The following ATG9B variants were observed in gnomAD, a reference collection of about 807,000 sequenced individuals.
ATG9B encodes autophagy-related protein 9B.
ATG9B carries 92 observed loss-of-function variants against 92.9 expected under a neutral mutation model. The observed-to-expected ratio is 0.99, with a 90% CI of 0.84 to 1.18. ATG9B has a LOEUF of 1.18. Among genes scored for constraint, ATG9B ranks in the 50% most tolerant of loss-of-function variants. The pLI is 0.00. For synonymous variants in ATG9B, 599 were observed against 551.4 expected, an observed-to-expected ratio of 1.09 and a Z score of -1.21; for missense variants, 1,344 against 1,235.0, an observed-to-expected ratio of 1.09 and a Z score of -1.32.
chr7:151,016,102 T>C lies in ATG9B; in HGVS notation c.2647+7A>G. On this transcript the variant is annotated splice_region_variant and intron_variant, in intron 12 of 13. Transcript: ENST00000639579. ...GCTCTGTCCCCTGCAGGCCCCACCCTCCTCACCGTCACTTGACCAGGATGG... is the reference window on the plus strand; with the variant it reads ...GCTCTGTCCCCTGCAGGCCCCACCCCCCTCACCGTCACTTGACCAGGATGG... 6.5e-7 allele frequency: 1 copy of C among 1,536,384 alleles called. No individual in the cohort carries two copies. Among genetic ancestry groups the C allele is most frequent in the Non-Finnish European group, 8.8e-7 (1 of 1,138,434 alleles).
At chr7:151,021,004 T>C (rs1795724128) in intron 5 of ATG9B, 184 bp downstream of exon 5, 2 of 664,454 alleles carry the variant, frequency 3.0e-6, no homozygotes, top group South Asian at 1.8e-5. Context: ...GTAAGGGCCA[T>C]GCTCTCTAGG....
In ATG9B at chr7:151,017,980, C is replaced by T; in HGVS notation, c.1943G>A (p.Arg648His). ...PLFLLFWFRP[R>H]ALEIIDFFHH... ...AAAAAAGTCGATAATCTCCAGGGCA[C>T]GAGGGCGGAACCAGAAAAGCAGAAA... Residue 648 changes from arginine to histidine, a missense_variant, in exon 8 of 14, where the codon CGT becomes CAT. Transcript: ENST00000639579. 1 of 1,606,060 alleles carries T rather than the reference C, an allele frequency of 6.2e-7. No homozygotes were observed. Among genetic ancestry groups the T allele is most frequent in the Non-Finnish European group, 8.5e-7 (1 of 1,176,020 alleles).
Position 151,023,211 on chromosome 7 carries a change from C to T in ATG9B, c.660-5G>A, listed in dbSNP as rs765550385. 5.6e-6 allele frequency: 9 copies of T among 1,613,928 alleles called. No homozygotes were observed. In the African/African-American group the frequency reaches 6.7e-5, roughly 12 times the overall value. ...GTGACAATGAAAATAAATTGTCTGC[C>T]GGGAGGAAGGGGGGGTGCCGGGATG... On this transcript the variant is annotated splice_polypyrimidine_tract_variant and splice_region_variant and intron_variant, in intron 3 of 13. Transcript: ENST00000639579.
At position 151,023,984 on chromosome 7, in the gene ATG9B, G is replaced by A. The variant is rs77596203; in HGVS notation, c.440C>T (p.Pro147Leu). ...CTCCAGCCGCTCATAATCCTGTTCAGGGATCAAAGGGCCTACCCGCAGCCC... is the reference window on the plus strand; with the variant it reads ...CTCCAGCCGCTCATAATCCTGTTCAAGGATCAAAGGGCCTACCCGCAGCCC... Reference protein sequence around the residue: ...SPGLRVGPLIPEQDYERLEDC... With the variant: ...SPGLRVGPLILEQDYERLEDC... The change falls in exon 1 of 14, where the codon CCT becomes CTT. Residue 147 changes from proline to leucine, a missense_variant. Pro to Leu is a moderately conservative substitution (Grantham distance 98). Transcript: ENST00000639579. The A allele has an allele frequency of 3.1e-5, 50 of 1,593,456 alleles. No homozygotes were observed. In the African/African-American group the frequency reaches 5.5e-4, roughly 17 times the overall value.
In ATG9B at chr7:151,018,317, C is replaced by G. The variant is rs781208001; in HGVS notation, c.1849G>C (p.Ala617Pro). 1.3e-6 allele frequency: 2 copies of G among 1,582,244 alleles called. No homozygotes were observed. Among genetic ancestry groups the G allele is most frequent in the East Asian group, 4.5e-5 (2 of 44,682 alleles). ...ACCGCTCGGTACTGCAGCAGCTGCG[C>G]CATCTGCCGGTAGGCGCGGTCCCTG... is the stretch of plus-strand genomic sequence containing the variant. ...GGRDRAYRQM[A>P]QLLQYRAVSL... Residue 617 changes from alanine to proline, a missense_variant, in exon 7 of 14, where the codon GCG becomes CCG. Ala to Pro is a conservative substitution (Grantham distance 27, BLOSUM62 -1). Coordinates refer to ENST00000639579, the MANE Select transcript of ATG9B (RefSeq NM_001317056.2). The surrounding 1 kb of genome is among the most constrained non-coding windows in gnomAD (Gnocchi z 4.7).
At chr7:151,012,991 T>C (rs1388191436), downstream of ATG9B, 2 of 541,768 alleles carry the variant, frequency 3.7e-6, no homozygotes, top group African/African-American at 1.9e-5. Flanking sequence ...AGCCGCGCAT[T>C]CTAGCGCAGC....
chr7:151,014,174 C>T (rs776189124), downstream of ATG9B: 6 of 1,594,820 alleles, frequency 3.8e-6, no homozygotes, highest in Non-Finnish European at 5.1e-6. Context: ...CCCTGAGAGC[C>T]GCCTGGCTTT....
In ATG9B at chr7:151,018,583, C is replaced by T. The variant is rs1186725751; in HGVS notation, c.1718+37G>A. ...TCACATGGCCCCAGATCAGAGAAAC[C>T]AACACACACCACCACCCCGGGCATC... is the stretch of plus-strand genomic sequence containing the variant. On this transcript the variant is annotated intron_variant, in intron 6 of 13. Coordinates refer to ENST00000639579, the MANE Select transcript of ATG9B (RefSeq NM_001317056.2). This position sits in a 1 kb window ranked among gnomAD's most constrained non-coding sequence, Gnocchi z 4.7. 1 of 1,579,070 alleles carries T rather than the reference C, an allele frequency of 6.3e-7. No homozygotes were observed. Among genetic ancestry groups the T allele is most frequent in the Middle Eastern group, 1.7e-4 (1 of 5,950 alleles).
At chr7:151,022,947 A>G in intron 4 of ATG9B, 98 bp downstream of exon 4, 2 of 1,500,510 alleles carry the variant, frequency 1.3e-6, no homozygotes, top group Non-Finnish European at 1.8e-6. Flanking sequence ...AGCTTTGAGA[A>G]CTGCTGATCT....
chr7:151,013,414 G>T (rs1374534392), downstream of ATG9B: 1 of 1,590,324 alleles, frequency 6.3e-7, no homozygotes, highest in South Asian at 1.1e-5. Context: ...GTAACCTGAA[G>T]ATAGGGAGAG....
intron 5 of ATG9B, chr7:151,020,963 G>T: frequency 2.0e-6 from 1 of 493,700 alleles, no homozygotes; most frequent in Non-Finnish European, 3.6e-6. Flanking sequence ...CATCTTATAT[G>T]AGCCATCTAA....
Position 151,023,339 on chromosome 7 carries a change from G to A in ATG9B, c.659+106C>T, listed in dbSNP as rs12666088. On this transcript the variant is annotated intron_variant, in intron 3 of 13. Coordinates refer to ENST00000639579, the MANE Select transcript of ATG9B (RefSeq NM_001317056.2). Reference sequence around the variant, plus strand: ...CCCCTGCTGAGCCCTTGGGCTGCTCGGGAAAGCATGGGATGGAAGCAGCTG... The same window carrying A: ...CCCCTGCTGAGCCCTTGGGCTGCTCAGGAAAGCATGGGATGGAAGCAGCTG... 12,194 of 1,595,106 alleles carry A rather than the reference G, an allele frequency of 7.6e-3. 394 individuals are homozygous for A. In the Admixed American group the frequency reaches 0.085, roughly 11 times the overall value.
rs1356258312 is a variant in ATG9B, at chr7:151,018,865, G to C, written c.1473C>G (p.His491Gln). 7.5e-7 allele frequency: 1 copy of C among 1,338,452 alleles called. No homozygotes were observed. The highest frequency in any genetic ancestry group is 9.5e-7 in the Non-Finnish European group (1 of 1,049,714). The allele number at this position is 1,338,452 out of a possible 1,614,324, so 82.9% of individuals were successfully genotyped here. A position where few individuals can be genotyped will look rare whatever the true frequency, so the allele number is the denominator to read the frequency against. The change falls in exon 6 of 14, where the codon CAC becomes CAG. Residue 491 changes from histidine (H) to glutamine (Q), a missense_variant. Transcript: ENST00000639579. This position sits in a 1 kb window ranked among gnomAD's most constrained non-coding sequence, Gnocchi z 4.7. ...WSRLARLQLR[H>Q]FNELPHELRA... ...GCAGCTCGTGCGGCAGCTCGTTGAAGTGGCGCAGCTGCAAGCGCGCCAGGC... is the reference window on the plus strand; with the variant it reads ...GCAGCTCGTGCGGCAGCTCGTTGAACTGGCGCAGCTGCAAGCGCGCCAGGC...
At chr7:151,016,902 A>G (rs1171743977) in intron 9 of ATG9B, 81 bp from the exon 10 acceptor site, 1 of 1,538,952 alleles carries the variant, frequency 6.5e-7, no homozygotes, top group Non-Finnish European at 8.8e-7. Flanking sequence ...GCAGAGGCCT[A>G]AAGAAGGCAG....
rs778954154 is a variant in ATG9B, at chr7:151,018,312, C to G, written c.1854G>C (p.Gln618His). 1.3e-6 allele frequency: 2 copies of G among 1,575,322 alleles called. No homozygotes were observed. The highest frequency in any genetic ancestry group is 1.7e-6 in the Non-Finnish European group (2 of 1,166,922). The change falls in exon 7 of 14, where the codon CAG becomes CAC. Residue 618 changes from glutamine to histidine, a missense_variant. By Grantham distance (24) the Gln-to-His change is conservative (BLOSUM62 0). Transcript: ENST00000639579. This position sits in a 1 kb window ranked among gnomAD's most constrained non-coding sequence, Gnocchi z 4.7. ...CCCTCACCGCTCGGTACTGCAGCAG[C>G]TGCGCCATCTGCCGGTAGGCGCGGT... Reference protein sequence around the residue: ...GRDRAYRQMAQLLQYRAVSLL... With the variant: ...GRDRAYRQMAHLLQYRAVSLL...
At position 151,015,716 on chromosome 7, in the gene ATG9B, G is replaced by T; in HGVS notation, c.*15-3C>A. 1.1e-6 allele frequency: 1 copy of T among 952,162 alleles called. No homozygotes were observed. Among genetic ancestry groups the T allele is most frequent in the Non-Finnish European group, 1.5e-6 (1 of 686,808 alleles). 59.0% of individuals were successfully genotyped at this position (952,162 alleles called of 1,614,324 possible). On this transcript the variant is annotated splice_region_variant and splice_polypyrimidine_tract_variant and intron_variant, in intron 13 of 13. Transcript: ENST00000639579. Reference sequence around the variant, plus strand: ...TGTGGCTGCCGAAGCCAGGGTACCTGTGGGAGGAGACGGCTCTTGGCAAGC... The same window carrying T: ...TGTGGCTGCCGAAGCCAGGGTACCTTTGGGAGGAGACGGCTCTTGGCAAGC...
rs1795565641 is a variant in ATG9B at position 151,017,855 on chromosome 7, A to T, written c.2052+16T>A. ...CCACCCAGCCCAAACCCCCAGGGCC[A>T]GGGAACGGCTCTGACCTGAGGGTGT... is the stretch of plus-strand genomic sequence containing the variant. On this transcript the variant is annotated intron_variant, in intron 8 of 13. Transcript: ENST00000639579. 6.3e-7 allele frequency: 1 copy of T among 1,576,486 alleles called. No individual in the cohort carries two copies. The highest frequency in any genetic ancestry group is 1.4e-5 in the African/African-American group (1 of 73,854).
chr7:151,021,271 C>T lies in ATG9B; in HGVS notation c.880G>A (p.Val294Ile). ...TTGCAGACTGAGCGAAGCAGTTGGACCAGCCAGAAGCCGGCAGCCAGGACC... is the reference window on the plus strand; with the variant it reads ...TTGCAGACTGAGCGAAGCAGTTGGATCAGCCAGAAGCCGGCAGCCAGGACC... ...LLVLAAGFWL[V>I]QLLRSVCNLF... The change falls in exon 5 of 14, where the codon GTC becomes ATC. Residue 294 changes from valine to isoleucine, a missense_variant. Physicochemically the swap from Val to Ile is conservative, Grantham distance 29. Transcript: ENST00000639579. 1 of 1,613,404 alleles carries T rather than the reference C, an allele frequency of 6.2e-7. No individual in the cohort carries two copies. Among genetic ancestry groups the T allele is most frequent in the African/African-American group, 1.3e-5 (1 of 75,010 alleles).
Position 151,018,631 on chromosome 7 carries a change from G to T in ATG9B, c.1707C>A (p.Ala569=). ...LTAMTALGVT[A]TVARSFIPEE... is the part of the protein sequence containing the mutation. ...ATCTGCCGTCGCACCTGGCGACGGT[G>T]GCGGTGACCCCGAGCGCGGTCATGG... Residue 569 remains alanine, a synonymous_variant, in exon 6 of 14, where the codon GCC becomes GCA. Coordinates refer to ENST00000639579, the MANE Select transcript of ATG9B (RefSeq NM_001317056.2). The surrounding 1 kb of genome is among the most constrained non-coding windows in gnomAD (Gnocchi z 4.7). 6.2e-7 allele frequency: 1 copy of T among 1,605,298 alleles called. No homozygotes were observed.
Sources: allele counts gnomAD v4.1 joint callset, GRCh38; gene constraint gnomAD v4.1.1; non-coding constraint Gnocchi (gnomAD v3.1); transcripts MANE v1.5; gene names NCBI Gene and HGNC (gene_info 2026-07-23, HGNC 2026-07-21).